The following GREB1L variants were observed in gnomAD, a reference collection of about 807,000 sequenced individuals.
GREB1L encodes the protein GREB1 like retinoic acid receptor coactivator.
In GREB1L, 17 loss-of-function variants were observed where a neutral mutation model predicts 200.8. The ratio of observed to expected loss-of-function variants is 0.08; its 90% CI spans 0.06 to 0.13. The LOEUF (loss-of-function observed/expected upper bound fraction) is 0.13. Ranked by LOEUF, GREB1L falls within the 10% of genes least tolerant of loss-of-function variation. The pLI, the probability that GREB1L is intolerant of heterozygous loss-of-function variation, is 1.00. For missense variants in GREB1L, 1,657 were observed against 2,367.7 expected, an observed-to-expected ratio of 0.70 and a Z score of 6.23; for synonymous variants, 789 against 893.0, an observed-to-expected ratio of 0.88 and a Z score of 2.08.
chr18:21,435,922 C>T (rs1211042136), intron 7 of GREB1L, among the ~76,000 whole-genome samples: 1 of 152,042 alleles, frequency 6.6e-6, no homozygotes, highest in South Asian at 2.1e-4. Flanking sequence ...TCAGTCGTCT[C>T]GGTGACAAAT....
At chr18:21,254,523 G>A (rs2144014855) in intron 1 of GREB1L, among the ~76,000 whole-genome samples, 1 of 152,058 alleles carries the variant, frequency 6.6e-6, no homozygotes, top group Non-Finnish European at 1.5e-5. Flanking sequence ...CCAAAGGGTG[G>A]GAAACGCTTA....
intron 23 of GREB1L, among the ~76,000 whole-genome samples, chr18:21,501,619 A>G (rs1452788323): frequency 6.6e-6 from 1 of 152,198 alleles, no homozygotes; most frequent in Non-Finnish European, 1.5e-5. Flanking sequence ...AGGTAGATTA[A>G]TTGCCTAGAT....
intron 1 of GREB1L, among the ~76,000 whole-genome samples, chr18:21,264,137 T>G (rs112565257): frequency 1.2e-4 from 19 of 152,110 alleles, no homozygotes; most frequent in African/African-American, 4.1e-4. Context: ...GTATGTTGTT[T>G]AGGTAGAATC....
intron 1 of GREB1L, among the ~76,000 whole-genome samples, chr18:21,253,227 A>T (rs1598606944): frequency 2.7e-5 from 4 of 150,834 alleles, no homozygotes; most frequent in Admixed American, 2.0e-4. Context: ...TGCAGCTAAT[A>T]TAGAGAAAAC....
At chr18:21,306,841 CAGAA>C (rs1390358250) in intron 1 of GREB1L, among the ~76,000 whole-genome samples, 10 of 152,096 alleles carry the variant, frequency 6.6e-5, no homozygotes, top group African/African-American at 2.4e-4. Context: ...GAGAAGAAAA[CAGAA>C]AGATCTTTTT....
At chr18:21,417,469 G>A (rs144031206) in intron 7 of GREB1L, among the ~76,000 whole-genome samples, 92 of 151,562 alleles carry the variant, frequency 6.1e-4, no homozygotes, top group African/African-American at 2.1e-3. Context: ...AGCCAAGATC[G>A]CGCCACTGCA....
intron 17 of GREB1L, among the ~76,000 whole-genome samples, chr18:21,483,179 A>C (rs893137182): frequency 1.3e-5 from 2 of 152,212 alleles, no homozygotes; most frequent in African/African-American, 4.8e-5. Context: ...GGTGGATGCA[A>C]GGCGGATGCA....
chr18:21,319,719 G>A (rs1217907950), intron 1 of GREB1L, among the ~76,000 whole-genome samples: 4 of 152,214 alleles, frequency 2.6e-5, no homozygotes, highest in African/African-American at 9.7e-5. Flanking sequence ...CAGGGCATGG[G>A]TAGAGGCTTA....
rs146502034 is a variant in GREB1L, at chr18:21,500,324, G to A, written c.3969+18G>A. ...CCCCACAGGTAGGGCCAAGCCAGCC[G>A]GGGCCGTTTCTTAGGCTGGGGTTGG... On this transcript the variant is annotated intron_variant, in intron 22 of 32. Coordinates refer to ENST00000424526, the MANE Select transcript of GREB1L (RefSeq NM_001142966.3). The A allele has an allele frequency of 2.0e-4, 220 of 1,073,768 alleles. 1 individual carries two copies. The East Asian group carries it at 3.7e-3, about 18-fold the overall frequency. The allele number at this position is 1,073,768 out of a possible 1,614,324, so 66.5% of individuals were successfully genotyped here.
chr18:21,408,092 T>C (rs188590674), intron 7 of GREB1L, among the ~76,000 whole-genome samples: 1 of 152,320 alleles, frequency 6.6e-6, no homozygotes, highest in Admixed American at 6.5e-5. Flanking sequence ...TATATATTTT[T>C]AAATAGCTAG....
At chr18:21,423,359 G>A (rs1209722382) in intron 7 of GREB1L, among the ~76,000 whole-genome samples, 2 of 152,080 alleles carry the variant, frequency 1.3e-5, no homozygotes, top group Non-Finnish European at 2.9e-5. Flanking sequence ...TGAGTTGTTG[G>A]TTATCATAGT....
chr18:21,373,707 G>T (rs1273647748), intron 2 of GREB1L, among the ~76,000 whole-genome samples: 2 of 152,032 alleles, frequency 1.3e-5, no homozygotes, highest in African/African-American at 4.8e-5. Context: ...AGGACTATTT[G>T]GTTACTTGGA....
At position 21,516,706 on chromosome 18, in the gene GREB1L, T is replaced by C. The variant is rs1416002354; in HGVS notation, c.5223T>C (p.His1741=). The change falls in exon 30 of 33, where the codon CAT becomes CAC. Residue 1741 remains histidine, a synonymous_variant. Transcript: ENST00000424526. ...RFNNFSLMKK[H]VQVGGQRDFI... ...ATAACTTCAGTCTCATGAAGAAACA[T>C]GTTCAGGTTGGAGGGCAAAGGGACT... 1.3e-6 allele frequency: 2 copies of C among 1,551,502 alleles called. No homozygotes were observed. The highest frequency in any genetic ancestry group is 1.7e-6 in the Non-Finnish European group (2 of 1,146,860).
chr18:21,413,280 C>T (rs2031268922), intron 7 of GREB1L, among the ~76,000 whole-genome samples: 1 of 152,118 alleles, frequency 6.6e-6, no homozygotes, highest in South Asian at 2.1e-4. Flanking sequence ...CTCCTCTGTC[C>T]CTGATGATGG....
At chr18:21,341,554 G>T (rs1265318416) in intron 1 of GREB1L, among the ~76,000 whole-genome samples, 1 of 152,096 alleles carries the variant, frequency 6.6e-6, no homozygotes, top group Non-Finnish European at 1.5e-5. Flanking sequence ...TAAATCTTTT[G>T]TAGAGACAGG....
intron 6 of GREB1L, among the ~76,000 whole-genome samples, chr18:21,402,489 C>T (rs2041359178): frequency 1.4e-5 from 2 of 144,876 alleles, no homozygotes; most frequent in Admixed American, 1.4e-4. Context: ...TCTTCCTTTC[C>T]CTTTCCTTTC....
intron 1 of GREB1L, among the ~76,000 whole-genome samples, chr18:21,259,166 G>A (rs1246534163): frequency 6.6e-6 from 1 of 152,164 alleles, no homozygotes; most frequent in East Asian, 1.9e-4. Context: ...CTAGATTAAG[G>A]TTTGTTTAAC....
chr18:21,389,025 C>A (rs1235651214), intron 4 of GREB1L, among the ~76,000 whole-genome samples: 3 of 152,102 alleles, frequency 2.0e-5, no homozygotes, highest in Non-Finnish European at 4.4e-5. Flanking sequence ...CCCCACTCTC[C>A]TTCCACTACA....
intron 30 of GREB1L, 116 bp from the exon 31 acceptor site, chr18:21,517,918 C>A: frequency 1.3e-6 from 1 of 741,328 alleles, no homozygotes. Flanking sequence ...AACCTAGCAC[C>A]CCTCACTGTG....
Sources: allele counts gnomAD v4.1 joint callset (sites outside exome capture counted in the v4.1 genomes callset), GRCh38; gene constraint gnomAD v4.1.1; transcripts MANE v1.5; gene names NCBI Gene and HGNC (gene_info 2026-07-23, HGNC 2026-07-21).